SNTG2: variants seen among roughly 807,000 people sequenced by gnomAD.
SNTG2 encodes the protein syntrophin gamma 2.
A neutral mutation model predicts 70.9 loss-of-function variants in SNTG2; 74 were observed. That is an observed-to-expected ratio of 1.04 (90% confidence interval 0.86 to 1.27). SNTG2 has a LOEUF of 1.27. Among genes scored for constraint, SNTG2 ranks in the 50% most tolerant of loss-of-function variants. SNTG2 has a pLI of 0.00. For missense variants in SNTG2, 717 were observed against 690.7 expected (o/e 1.04, Z -0.43); for synonymous variants, 278 against 273.8 (o/e 1.02, Z -0.15).
intron 2 of SNTG2, among the ~76,000 whole-genome samples, chr2:1,091,232 C>A (rs1665004858): frequency 1.3e-5 from 2 of 152,168 alleles, no homozygotes; most frequent in African/African-American, 4.8e-5. Context: ...GACAGACACC[C>A]CTGCTCCTCA....
intron 1 of SNTG2, among the ~76,000 whole-genome samples, chr2:1,067,783 G>A (rs750935552): frequency 8.5e-5 from 13 of 152,200 alleles, no homozygotes; most frequent in Admixed American, 2.0e-4. Context: ...GAGGAAATTC[G>A]AGTGAGGTTA....
intron 12 of SNTG2, among the ~76,000 whole-genome samples, chr2:1,248,345 C>T (rs1399383340): frequency 6.6e-6 from 1 of 152,206 alleles, no homozygotes; most frequent in East Asian, 1.9e-4. Flanking sequence ...GGCCATGGAG[C>T]ATCTGGCAAA....
At chr2:1,233,682 A>C (rs938316692) in intron 9 of SNTG2, among the ~76,000 whole-genome samples, 1 of 152,222 alleles carries the variant, frequency 6.6e-6, no homozygotes, top group Non-Finnish European at 1.5e-5. Context: ...ATGTGCTTTG[A>C]ACGTTATTGG....
At chr2:1,361,493 A>G (rs1232764979) in intron 16 of SNTG2, among the ~76,000 whole-genome samples, 1 of 152,246 alleles carries the variant, frequency 6.6e-6, no homozygotes, top group Non-Finnish European at 1.5e-5. Flanking sequence ...CTCCAAATCT[A>G]TGCAAACAAA....
chr2:1,182,360 C>CAAAAAAAAAAAAAAAAAAAAAAAAA (rs10587246), intron 8 of SNTG2, among the ~76,000 whole-genome samples: 1 of 122,058 alleles, frequency 8.2e-6, no homozygotes, highest in Non-Finnish European at 1.6e-5. Context: ...TTAAAAATTT[C>CAAAAAAAAAAAAAAAAAAAAAAAAA]AAAAAAAAAA....
At chr2:1,172,078 C>A (rs1671164372) in intron 7 of SNTG2, among the ~76,000 whole-genome samples, 2 of 152,180 alleles carry the variant, frequency 1.3e-5, no homozygotes, top group South Asian at 4.1e-4. Flanking sequence ...AGGGGTCTTT[C>A]CTGCAAGAAG....
intron 9 of SNTG2, among the ~76,000 whole-genome samples, chr2:1,230,547 G>A (rs1423412153): frequency 6.6e-6 from 1 of 152,178 alleles, no homozygotes; most frequent in East Asian, 1.9e-4. Flanking sequence ...GGTTGGTCTC[G>A]TTTGATCTCA....
intron 9 of SNTG2, among the ~76,000 whole-genome samples, chr2:1,212,500 C>A (rs1489504443): frequency 3.3e-5 from 5 of 152,126 alleles, no homozygotes; most frequent in Non-Finnish European, 7.4e-5. Flanking sequence ...TAACAGCAAA[C>A]TGAAAGGTTT....
chr2:1,099,244 C>T (rs373590011), intron 4 of SNTG2, among the ~76,000 whole-genome samples: 115 of 152,144 alleles, frequency 7.6e-4, no homozygotes, highest in African/African-American at 2.7e-3. Context: ...GGGGGTGGGG[C>T]GGTTAGCTTA....
chr2:1,333,809 A>G (rs1318743347), intron 16 of SNTG2, among the ~76,000 whole-genome samples: 1 of 152,228 alleles, frequency 6.6e-6, no homozygotes, highest in East Asian at 1.9e-4. Context: ...AAAGACTTAA[A>G]TCTAAGACCT....
At chr2:1,125,241 G>T (rs1311614441) in intron 4 of SNTG2, among the ~76,000 whole-genome samples, 5 of 152,154 alleles carry the variant, frequency 3.3e-5, no homozygotes, top group Non-Finnish European at 7.4e-5. Flanking sequence ...CTGGCTGCTC[G>T]AGAGATTTCT....
chr2:1,120,477 G>T (rs1667311338), intron 4 of SNTG2, among the ~76,000 whole-genome samples: 1 of 152,106 alleles, frequency 6.6e-6, no homozygotes, highest in Admixed American at 6.5e-5. Context: ...GACTGAAAAA[G>T]AGATGATCCC....
At chr2:1,323,530 G>T (rs1289916543) in intron 16 of SNTG2, among the ~76,000 whole-genome samples, 3 of 109,954 alleles carry the variant, frequency 2.7e-5, no homozygotes, top group Middle Eastern at 4.8e-3. Flanking sequence ...TGGGACATGG[G>T]TAACAGTCAC....
intron 1 of SNTG2, among the ~76,000 whole-genome samples, chr2:1,048,126 C>T (rs552347866): frequency 6.6e-6 from 1 of 152,232 alleles, no homozygotes; most frequent in South Asian, 2.1e-4. Context: ...CTTTCCTTCA[C>T]CTCATCATAG....
chr2:1,036,933 T>C (rs1382095020), intron 1 of SNTG2, among the ~76,000 whole-genome samples: 1 of 152,186 alleles, frequency 6.6e-6, no homozygotes, highest in Non-Finnish European at 1.5e-5. Context: ...TGTGAGAGAC[T>C]CAGGAGCCTG....
Position 1,367,377 on chromosome 2 carries a change from A to T in SNTG2, c.1523A>T (p.His508Leu). Residue 508 changes from histidine (H) to leucine (L), a missense_variant, in exon 17 of 17, where the codon CAC (histidine) becomes CTC (leucine). His to Leu is a moderately conservative substitution (Grantham distance 99). Coordinates refer to ENST00000308624, the MANE Select transcript of SNTG2 (RefSeq NM_018968.4). Reference protein sequence around the residue: ...LEFQDLRAVLHCIHSFIAAKV... With the variant: ...LEFQDLRAVLLCIHSFIAAKV... ...TTCCAGGACCTGAGGGCTGTCCTGCACTGCATCCACTCCTTCATAGCAGCC... is the reference window on the plus strand; with the variant it reads ...TTCCAGGACCTGAGGGCTGTCCTGCTCTGCATCCACTCCTTCATAGCAGCC... The T allele has an allele frequency of 1.3e-6, 2 of 1,551,694 alleles. No homozygotes were observed. The highest frequency in any genetic ancestry group is 2.4e-5 in the South Asian group (2 of 84,056).
At chr2:1,031,530 T>TATATATATATATA (rs1558325836) in intron 1 of SNTG2, among the ~76,000 whole-genome samples, 3 of 37,112 alleles carry the variant, frequency 8.1e-5, no homozygotes, top group Non-Finnish European at 9.8e-5. Flanking sequence ...ATATATATAT[T>TATATATATATATA]TTTTTTTTTT....
chr2:955,545 C>T (rs1660112053), intron 1 of SNTG2, among the ~76,000 whole-genome samples: 1 of 152,214 alleles, frequency 6.6e-6, no homozygotes, highest in African/African-American at 2.4e-5. Flanking sequence ...TGTAATTACT[C>T]CTACCTTCAT....
chr2:1,123,350 A>C (rs1211222161), intron 4 of SNTG2, among the ~76,000 whole-genome samples: 1 of 152,240 alleles, frequency 6.6e-6, no homozygotes, highest in Non-Finnish European at 1.5e-5. Context: ...GTTGGTATAA[A>C]AAACAGACAC....
Sources: allele counts gnomAD v4.1 joint callset (sites outside exome capture counted in the v4.1 genomes callset), GRCh38; gene constraint gnomAD v4.1.1; transcripts MANE v1.5; gene names NCBI Gene and HGNC (gene_info 2026-07-23, HGNC 2026-07-21).